The following INSL6 variants were observed in gnomAD, a reference collection of about 807,000 sequenced individuals.
INSL6 encodes insulin-like peptide INSL6.
A neutral mutation model predicts 9.4 loss-of-function variants in INSL6; 16 were observed. The ratio of observed to expected loss-of-function variants is 1.70; its 90% CI spans 1.15 to 2.59. The LOEUF is 2.59. INSL6 is among the 30% of genes most tolerant of loss of function. The pLI, the probability that INSL6 is intolerant of heterozygous loss-of-function variation, is 0.00. For synonymous variants in INSL6, 154 were observed against 96.9 expected (o/e 1.59, Z -3.46); for missense variants, 391 against 257.3 (o/e 1.52, Z -3.56).
the INSL6 span, among the ~76,000 whole-genome samples, chr9:5,043,966 A>G: frequency 6.6e-6 from 1 of 152,216 alleles, no homozygotes; most frequent in Admixed American, 6.5e-5. Flanking sequence ...ATATCTCAAT[A>G]AAGGTGTTAC....
intron 1 of INSL6, among the ~76,000 whole-genome samples, chr9:5,169,098 G>C (rs1825124772): frequency 1.3e-5 from 2 of 152,020 alleles, no homozygotes; most frequent in African/African-American, 4.8e-5. Flanking sequence ...GGCTAATTTT[G>C]TATTTTTAGT....
chr9:5,034,688 A>G, the INSL6 span, among the ~76,000 whole-genome samples: 1 of 152,156 alleles, frequency 6.6e-6, no homozygotes, highest in East Asian at 1.9e-4. Flanking sequence ...CTTTGAAACC[A>G]ACGAGAACAA....
At chr9:5,152,331 C>A (rs1397606471) in intron 2 of INSL6, among the ~76,000 whole-genome samples, 3 of 151,990 alleles carry the variant, frequency 2.0e-5, no homozygotes, top group African/African-American at 7.2e-5. Flanking sequence ...ATTTATGGAA[C>A]ATAAAACAAT....
At position 5,185,613 on chromosome 9, in the gene INSL6, C is replaced by G. The variant is rs1240407888; in HGVS notation, c.-11G>C. ...GAGGAGCCGCGGCATCCCTGTGACCCCAGGCTAGTCCTCCGCGTTGTGCAA... is the reference window on the plus strand; with the variant it reads ...GAGGAGCCGCGGCATCCCTGTGACCGCAGGCTAGTCCTCCGCGTTGTGCAA... On this transcript the variant is annotated 5_prime_UTR_variant, in exon 1 of 2. Transcript: ENST00000381641. 6.2e-7 allele frequency: 1 copy of G among 1,606,998 alleles called. No homozygotes were observed. Among genetic ancestry groups the G allele is most frequent in the African/African-American group, 1.3e-5 (1 of 74,836 alleles).
intron 1 of INSL6, among the ~76,000 whole-genome samples, chr9:5,168,361 C>G (rs1181849494): frequency 1.3e-5 from 2 of 151,988 alleles, no homozygotes; most frequent in Non-Finnish European, 2.9e-5. Flanking sequence ...ACAAGAATAA[C>G]CAGTTTAGAG....
the INSL6 span, chr9:5,089,565 A>AT: frequency 3.2e-6 from 1 of 308,786 alleles, no homozygotes; most frequent in Non-Finnish European, 5.6e-6. Context: ...AAAAAAAAAA[A>AT]GACAGTCTGC....
At chr9:5,183,867 G>T (rs577406077) in intron 1 of INSL6, among the ~76,000 whole-genome samples, 1 of 152,202 alleles carries the variant, frequency 6.6e-6, no homozygotes, top group East Asian at 1.9e-4. Flanking sequence ...AGTTAAAAAC[G>T]AAAAATATCA....
the INSL6 span, among the ~76,000 whole-genome samples, chr9:5,005,606 G>C: frequency 3.9e-5 from 6 of 152,242 alleles, no homozygotes; most frequent in African/African-American, 1.2e-4. Context: ...TTATGAGAGA[G>C]ATTCCAGTGT....
At chr9:5,070,863 G>C in the INSL6 span, among the ~76,000 whole-genome samples, 1 of 152,116 alleles carries the variant, frequency 6.6e-6, no homozygotes, top group Non-Finnish European at 1.5e-5. Context: ...TAAGATTTAA[G>C]AGCAATTTAA....
downstream of INSL6, among the ~76,000 whole-genome samples, chr9:5,162,710 C>G (rs12003883): frequency 6.6e-6 from 1 of 152,086 alleles, no homozygotes; most frequent in Non-Finnish European, 1.5e-5. Context: ...TGATTAAAAA[C>G]ATTCAAAAAT....
the INSL6 span, among the ~76,000 whole-genome samples, chr9:5,050,019 ACATGGCTATT>A: frequency 1.3e-5 from 2 of 152,240 alleles, no homozygotes; most frequent in Non-Finnish European, 2.9e-5. Flanking sequence ...GTTATGGGGC[ACATGGCTATT>A]TCTTTGTATC....
the INSL6 span, among the ~76,000 whole-genome samples, chr9:5,002,221 C>T: frequency 6.6e-6 from 1 of 151,606 alleles, no homozygotes; most frequent in African/African-American, 2.4e-5. Flanking sequence ...TTTCTAGCTA[C>T]CTAGGAAGCT....
At chr9:5,160,865 T>A (rs1237365112), downstream of INSL6, among the ~76,000 whole-genome samples, 2 of 152,086 alleles carry the variant, frequency 1.3e-5, no homozygotes, top group Non-Finnish European at 2.9e-5. Context: ...CCTATACACA[T>A]ACAACTTACC....
At chr9:5,019,309 T>G in the INSL6 span, among the ~76,000 whole-genome samples, 1 of 152,164 alleles carries the variant, frequency 6.6e-6, no homozygotes, top group East Asian at 1.9e-4. Context: ...CAGAAATTCT[T>G]TCTTCGTAGA....
At chr9:5,093,826 G>A in the INSL6 span, among the ~76,000 whole-genome samples, 1 of 152,240 alleles carries the variant, frequency 6.6e-6, no homozygotes, top group South Asian at 2.1e-4. Flanking sequence ...CCGCTATTAA[G>A]GGTTCATTTA....
the INSL6 span, among the ~76,000 whole-genome samples, chr9:5,048,293 C>T: frequency 2.0e-5 from 3 of 152,088 alleles, no homozygotes; most frequent in Admixed American, 2.0e-4. Context: ...AGGTGCCTGC[C>T]ACTACGCCCG....
the INSL6 span, among the ~76,000 whole-genome samples, chr9:5,078,947 T>A: frequency 6.6e-6 from 1 of 152,334 alleles, no homozygotes; most frequent in South Asian, 2.1e-4. Context: ...CAAATTTCAG[T>A]CAGATAGTTG....
At chr9:5,020,560 T>C in the INSL6 span, among the ~76,000 whole-genome samples, 6 of 151,704 alleles carry the variant, frequency 4.0e-5, no homozygotes, top group African/African-American at 1.2e-4. Flanking sequence ...TTGTAGGGAG[T>C]TGGCTAAGGA....
chr9:4,999,526 A>C, the INSL6 span, among the ~76,000 whole-genome samples: 1 of 152,236 alleles, frequency 6.6e-6, no homozygotes, highest in African/African-American at 2.4e-5. Context: ...AGAAGGACAG[A>C]ACTAATAGGA....
Sources: gnomAD v4.1 joint callset for allele counts (sites outside exome capture counted in the v4.1 genomes callset) on GRCh38, gnomAD v4.1.1 for gene constraint, MANE v1.5 for transcripts, NCBI Gene and HGNC (gene_info 2026-07-23, HGNC 2026-07-21) for gene names.